The following DRC4 variants were observed in gnomAD, a reference collection of about 807,000 sequenced individuals.
DRC4 encodes GAS-11.
chr16:90,035,579 GCGGGCTTCCCTCTGTGTC>G, the DRC4 span: 6 of 1,610,842 alleles, frequency 3.7e-6, no homozygotes, highest in Non-Finnish European at 5.1e-6. Flanking sequence ...CCTGAAGGGA[GCGGGCTTCCCTCTGTGTC>G]CGGCTGTGTA....
At chr16:90,035,318 C>T in the DRC4 span, among the ~76,000 whole-genome samples, 1 of 152,204 alleles carries the variant, frequency 6.6e-6, no homozygotes. Flanking sequence ...AGGAATGAAT[C>T]CTTTTAATAT....
At chr16:90,040,614 G>A in the DRC4 span, 11 of 1,057,290 alleles carry the variant, frequency 1.0e-5, no homozygotes, top group African/African-American at 2.1e-5. Context: ...CCCCTCGGTC[G>A]GCCACTGAGG....
At chr16:90,021,579 T>TGA in the DRC4 span, among the ~76,000 whole-genome samples, 1 of 151,916 alleles carries the variant, frequency 6.6e-6, no homozygotes, top group African/African-American at 2.4e-5. Flanking sequence ...ATGTTAAAGA[T>TGA]GAGAGCTTAG....
chr16:90,030,105 T>C, the DRC4 span, among the ~76,000 whole-genome samples: 13 of 152,268 alleles, frequency 8.5e-5, no homozygotes, highest in Non-Finnish European at 1.3e-4. Context: ...TGGAAGCCTG[T>C]CCTACATTTT....
the DRC4 span, chr16:90,022,679 C>CCAG: frequency 7.1e-7 from 1 of 1,418,262 alleles, no homozygotes; most frequent in African/African-American, 1.5e-5. Flanking sequence ...CGGGGGCGGG[C>CCAG]GCCCTGGTCC....
the DRC4 span, chr16:90,031,337 C>T: frequency 1.2e-6 from 2 of 1,613,436 alleles, no homozygotes; most frequent in Non-Finnish European, 1.7e-6. Flanking sequence ...AGGAGCTGGA[C>T]CGCGAGCGGG....
At chr16:90,036,273 G>A in the DRC4 span, 2 of 975,956 alleles carry the variant, frequency 2.0e-6, no homozygotes, top group South Asian at 1.6e-5. Context: ...CTGCAAGGCT[G>A]TTCTGACCAC....
chr16:90,036,079 C>G, the DRC4 span: 21 of 627,626 alleles, frequency 3.3e-5, no homozygotes, highest in Middle Eastern at 4.5e-4. Context: ...GGTGGCCACA[C>G]AGGCCTCGGT....
At chr16:90,022,525 C>G in the DRC4 span, 2 of 503,170 alleles carry the variant, frequency 4.0e-6, no homozygotes, top group South Asian at 3.6e-5. Context: ...ATTTTCCCAA[C>G]GTTCACAACC....
chr16:90,032,748 T>C, the DRC4 span: 1 of 1,613,896 alleles, frequency 6.2e-7, no homozygotes. Flanking sequence ...GCACCTGCTA[T>C]ATGAGCACCA....
the DRC4 span, chr16:90,028,089 C>T: frequency 0.94 from 156,019 of 166,834 alleles, 73,103 homozygotes; most frequent in East Asian, 1. Flanking sequence ...TTATTTTATT[C>T]ACCATTAAAC....
At chr16:90,035,119 T>C in the DRC4 span, among the ~76,000 whole-genome samples, 9 of 152,016 alleles carry the variant, frequency 5.9e-5, no homozygotes, top group Non-Finnish European at 1.5e-5. Flanking sequence ...GTCAGGCTGG[T>C]CTTAAACTCC....
the DRC4 span, among the ~76,000 whole-genome samples, chr16:90,034,016 G>A: frequency 1.3e-5 from 2 of 151,774 alleles, no homozygotes; most frequent in South Asian, 2.1e-4. Context: ...GAGCTCGTCC[G>A]CCTCGAAAGC....
the DRC4 span, among the ~76,000 whole-genome samples, chr16:90,024,429 G>A: frequency 6.6e-6 from 1 of 152,306 alleles, no homozygotes; most frequent in East Asian, 1.9e-4. Context: ...GGGGAAGCAT[G>A]CTTCAGATGT....
At chr16:90,022,512 G>C in the DRC4 span, 120 of 484,118 alleles carry the variant, frequency 2.5e-4, no homozygotes, top group African/African-American at 2.3e-3. Flanking sequence ...GGCTGCCGGC[G>C]ACATTTTCCC....
the DRC4 span, chr16:90,036,418 G>A: frequency 6.2e-7 from 1 of 1,611,574 alleles, no homozygotes; most frequent in South Asian, 1.1e-5. Context: ...TGAAGATGCT[G>A]AGGGACGAAC....
chr16:90,021,064 C>T, the DRC4 span, among the ~76,000 whole-genome samples: 1 of 152,252 alleles, frequency 6.6e-6, no homozygotes, highest in Non-Finnish European at 1.5e-5. Flanking sequence ...ACCAGCCAGA[C>T]TTCACAGAGG....
chr16:90,038,179 C>T, the DRC4 span, among the ~76,000 whole-genome samples: 1 of 152,188 alleles, frequency 6.6e-6, no homozygotes, highest in African/African-American at 2.4e-5. Context: ...CCCTCGAGAG[C>T]TCACCTCTGA....
At chr16:90,029,499 C>T in the DRC4 span, 16 of 402,180 alleles carry the variant, frequency 4.0e-5, no homozygotes, top group Non-Finnish European at 7.1e-5. Flanking sequence ...CAGTCAGGAG[C>T]CCTGGTTCAG....
Sources: gnomAD v4.1 joint callset for allele counts (sites outside exome capture counted in the v4.1 genomes callset) on GRCh38, gnomAD v4.1.1 for gene constraint, MANE v1.5 for transcripts, NCBI Gene and HGNC (gene_info 2026-07-23, HGNC 2026-07-21) for gene names.